The following ASAP1 variants were observed in gnomAD, a reference collection of about 807,000 sequenced individuals.
ASAP1 encodes arf-GAP with SH3 domain, ANK repeat and PH domain-containing protein 1.
Under a neutral mutation model 145.2 loss-of-function variants are expected in ASAP1, and 43 were observed. The ratio of observed to expected loss-of-function variants is 0.30; its 90% confidence interval spans 0.23 to 0.38. The LOEUF is 0.38. Ranked by LOEUF, ASAP1 falls within the 10% of genes least tolerant of loss-of-function variation. ASAP1 has a pLI of 1.00. For missense variants in ASAP1, 1,018 were observed against 1,355.3 expected (o/e 0.75, Z 3.91); for synonymous variants, 546 against 515.5 (o/e 1.06, Z -0.80).
At position 130,054,658 on chromosome 8, in the gene ASAP1, A is replaced by G. The variant is rs2097399703; in HGVS notation, c.*73T>C. The G allele has an allele frequency of 1.7e-5, 23 of 1,333,328 alleles. No homozygotes were observed. The South Asian group carries it at 2.7e-4, about 16-fold the overall frequency. 82.6% of individuals were successfully genotyped at this position (1,333,328 alleles called of 1,614,324 possible). On this transcript the variant is annotated 3_prime_UTR_variant, in exon 30 of 30. Transcript: ENST00000518721. ...ACTCTGTAACAGCAGCTATATACAC[A>G]CTGTGCCCAGGGTTACATGAAGGCA...
intron 3 of ASAP1, among the ~76,000 whole-genome samples, chr8:130,334,377 TC>T (rs1824902368): frequency 6.6e-6 from 1 of 152,212 alleles, no homozygotes. Context: ...ATTAAAGTCT[TC>T]TACAAACCTC....
chr8:130,093,788 T>TAA (rs5895037), intron 24 of ASAP1, among the ~76,000 whole-genome samples: 40 of 149,644 alleles, frequency 2.7e-4, no homozygotes, highest in African/African-American at 6.6e-4. Context: ...CTCTTCATAT[T>TAA]AAAAAAAAAA....
intron 23 of ASAP1, among the ~76,000 whole-genome samples, chr8:130,115,163 T>G (rs76947404): frequency 0.02 from 3,115 of 152,342 alleles, 110 homozygotes; most frequent in African/African-American, 0.07. Context: ...AATTACCATT[T>G]AAATGAGTAG....
intron 5 of ASAP1, among the ~76,000 whole-genome samples, chr8:130,189,515 A>G (rs539308384): frequency 2.0e-5 from 3 of 152,300 alleles, no homozygotes; most frequent in Non-Finnish European, 4.4e-5. Context: ...ATAATATTCC[A>G]TTGTGTATAT....
chr8:130,186,569 T>A (rs1299771721), intron 7 of ASAP1, among the ~76,000 whole-genome samples: 1 of 152,140 alleles, frequency 6.6e-6, no homozygotes, highest in Non-Finnish European at 1.5e-5. Context: ...CCGAGCACCC[T>A]GCAAAGTGCT....
At chr8:130,393,136 C>T (rs1211364275) in intron 2 of ASAP1, among the ~76,000 whole-genome samples, 1 of 152,068 alleles carries the variant, frequency 6.6e-6, no homozygotes, top group Non-Finnish European at 1.5e-5. Flanking sequence ...TTTGTTAACC[C>T]ACTGCTCATT....
chr8:130,105,561 T>C (rs948543249), intron 24 of ASAP1, among the ~76,000 whole-genome samples: 2 of 152,340 alleles, frequency 1.3e-5, no homozygotes, highest in Non-Finnish European at 2.9e-5. Context: ...GTACAACAGA[T>C]CTCTTGAACT....
Position 130,400,944 on chromosome 8 carries a change from G to A in ASAP1, c.59+941C>T, listed in dbSNP as rs968411393. On this transcript the variant is annotated intron_variant, in intron 2 of 29. Transcript: ENST00000518721. ...CCCCCAGGCTGGAGTGCAACAGTGT[G>A]ATCTTGGCCCACTGCAACCTCTGCT... is the stretch of plus-strand genomic sequence containing the variant. 2.2e-4 allele frequency among the ~76,000 whole-genome samples: 34 copies of A among 151,502 alleles called. 1 individual carries two copies. The highest frequency in any genetic ancestry group is 7.3e-4 in the African/African-American group (30 of 41,326).
chr8:130,275,505 G>A (rs77522937), intron 3 of ASAP1, among the ~76,000 whole-genome samples: 5,215 of 152,202 alleles, frequency 0.034, 107 homozygotes, highest in Middle Eastern at 0.054. Context: ...GCTAGCCTAG[G>A]AAGGAGAAAA....
intron 13 of ASAP1, among the ~76,000 whole-genome samples, chr8:130,140,874 CCA>C (rs1268496343): frequency 1.3e-5 from 2 of 152,288 alleles, no homozygotes; most frequent in East Asian, 3.9e-4. Context: ...CCCACGAATA[CCA>C]GAGGGGAGTG....
At chr8:130,125,488 C>T (rs1463356665) in intron 17 of ASAP1, among the ~76,000 whole-genome samples, 1 of 151,970 alleles carries the variant, frequency 6.6e-6, no homozygotes, top group African/African-American at 2.4e-5. Context: ...GTTATGGGTT[C>T]AAGAGTAGTT....
At chr8:130,065,007 T>A (rs541465644) in intron 27 of ASAP1, among the ~76,000 whole-genome samples, 1 of 151,830 alleles carries the variant, frequency 6.6e-6, no homozygotes, top group Non-Finnish European at 1.5e-5. Context: ...CCCAAGCAGC[T>A]AGGACTACAG....
chr8:130,112,347 G>C, intron 23 of ASAP1, 25 bp from the exon 24 acceptor site: 1 of 1,604,868 alleles, frequency 6.2e-7, no homozygotes, highest in South Asian at 1.1e-5. Context: ...AAGAAGGTGA[G>C]ATAATAATCA....
chr8:130,337,658 C>T (rs1400931834), intron 3 of ASAP1, among the ~76,000 whole-genome samples: 1 of 152,184 alleles, frequency 6.6e-6, no homozygotes, highest in East Asian at 1.9e-4. Context: ...TAAAGGCTAG[C>T]CAAACCTCAT....
intron 3 of ASAP1, among the ~76,000 whole-genome samples, chr8:130,243,170 G>T (rs1015968394): frequency 1.3e-5 from 2 of 152,064 alleles, no homozygotes; most frequent in African/African-American, 4.8e-5. Flanking sequence ...TAGAAGAAAT[G>T]GGAAGCCTGG....
chr8:130,409,279 ACCT>A (rs1829165895), intron 1 of ASAP1, among the ~76,000 whole-genome samples: 1 of 150,462 alleles, frequency 6.6e-6, no homozygotes, highest in Non-Finnish European at 1.5e-5. Context: ...AAAACAAAAA[ACCT>A]CCTCTCCTGT....
intron 3 of ASAP1, among the ~76,000 whole-genome samples, chr8:130,330,384 C>T (rs551321984): frequency 2.5e-4 from 38 of 152,386 alleles, no homozygotes; most frequent in African/African-American, 7.5e-4. Context: ...GTCATGACCT[C>T]ATGTGTGCTC....
intron 4 of ASAP1, among the ~76,000 whole-genome samples, chr8:130,225,490 T>C (rs1344674422): frequency 1.3e-5 from 2 of 152,236 alleles, no homozygotes; most frequent in African/African-American, 2.4e-5. Flanking sequence ...ACATCTGCAA[T>C]GAAATTATCT....
intron 1 of ASAP1, among the ~76,000 whole-genome samples, chr8:130,402,229 G>A (rs1004775292): frequency 3.9e-5 from 6 of 152,172 alleles, no homozygotes; most frequent in Admixed American, 6.5e-5. Flanking sequence ...CTAGCTCTAC[G>A]TTGGAGAGCA....
Sources: gnomAD v4.1 joint callset for allele counts (sites outside exome capture counted in the v4.1 genomes callset) on GRCh38, gnomAD v4.1.1 for gene constraint, MANE v1.5 for transcripts, NCBI Gene and HGNC (gene_info 2026-07-23, HGNC 2026-07-21) for gene names.